The following SLC41A3 variants were observed in gnomAD, a reference collection of about 807,000 sequenced individuals.
The protein encoded by SLC41A3 is solute carrier family 41 member 3.
Under a neutral mutation model 45.4 loss-of-function variants are expected in SLC41A3, and 44 were observed. The ratio of observed to expected loss-of-function variants is 0.97; its 90% CI spans 0.76 to 1.25. The LOEUF (loss-of-function observed/expected upper bound fraction) is 1.25. Among genes scored for constraint, SLC41A3 ranks in the 50% most tolerant of loss-of-function variants. The pLI is 0.00. For missense variants in SLC41A3, 550 were observed against 600.6 expected (o/e 0.92, Z 0.88); for synonymous variants, 256 against 252.4 (o/e 1.01, Z -0.13).
chr3:126,070,834 ATTTT>A (rs34899504), intron 1 of SLC41A3, among the ~76,000 whole-genome samples: 3 of 148,608 alleles, frequency 2.0e-5, no homozygotes, highest in African/African-American at 7.4e-5. Flanking sequence ...ACCTAGACAG[ATTTT>A]TTTTTTTAAG....
chr3:126,072,764 A>T (rs1264842341), intron 1 of SLC41A3, among the ~76,000 whole-genome samples: 2 of 152,252 alleles, frequency 1.3e-5, no homozygotes, highest in Admixed American at 6.5e-5. Flanking sequence ...CAATCCCATT[A>T]TTGGGTGTAT....
In SLC41A3 at chr3:126,026,370, C is replaced by A; in HGVS notation, c.563G>T (p.Ser188Ile). ...VAKVELLCAS[S>I]VLTAFLAAFA... is the part of the protein sequence containing the mutation. ...GGCTGCAAGGAAGGCAGTGAGGACA[C>A]TGCTGGCACACAGCAACTCCACCTT... The change falls in exon 5 of 11, where the codon AGT becomes ATT. Residue 188 changes from serine to isoleucine, a missense_variant. Coordinates refer to ENST00000360370, the MANE Select transcript of SLC41A3 (RefSeq NM_017836.4). This position sits in a 1 kb window ranked among gnomAD's most constrained non-coding sequence, Gnocchi z 4.2. 2.5e-6 allele frequency: 4 copies of A among 1,574,728 alleles called. No homozygotes were observed. The highest frequency in any genetic ancestry group is 3.5e-6 in the Non-Finnish European group (4 of 1,158,986).
rs1340634896 is a variant in SLC41A3, at chr3:126,006,533, C to A, written c.*483G>T. 2 of 1,612,210 alleles carry A rather than the reference C, an allele frequency of 1.2e-6. No individual in the cohort carries two copies. Among genetic ancestry groups the A allele is most frequent in the Non-Finnish European group, 8.5e-7 (1 of 1,179,662 alleles). On this transcript the variant is annotated 3_prime_UTR_variant, in exon 11 of 11. Transcript: ENST00000360370. ...CTGGGGAGGCTGTACACCTTCTTGG[C>A]ACAGCAGCAGTGTGGCCCACGGAGC...
intron 3 of SLC41A3, among the ~76,000 whole-genome samples, chr3:126,035,928 C>T (rs1463757017): frequency 2.6e-5 from 4 of 152,106 alleles, no homozygotes; most frequent in African/African-American, 9.7e-5. Flanking sequence ...GAAATAGCTG[C>T]AGGCATGGGG....
chr3:126,048,022 T>C (rs1245961280), intron 3 of SLC41A3, among the ~76,000 whole-genome samples: 1 of 152,064 alleles, frequency 6.6e-6, no homozygotes, highest in African/African-American at 2.4e-5. Flanking sequence ...GAACTACGAC[T>C]CAACAACAGA....
At chr3:126,031,403 G>A (rs1941786195) in intron 4 of SLC41A3, among the ~76,000 whole-genome samples, 1 of 152,144 alleles carries the variant, frequency 6.6e-6, no homozygotes, top group Admixed American at 6.5e-5. Flanking sequence ...GTAAGTCAAA[G>A]GCTAGGAAGA....
intron 2 of SLC41A3, among the ~76,000 whole-genome samples, chr3:126,061,635 C>A (rs899323228): frequency 1.3e-5 from 2 of 152,192 alleles, no homozygotes; most frequent in Non-Finnish European, 2.9e-5. Flanking sequence ...GGCTGGGTGT[C>A]AAGGGTCCAC....
rs150520192 is a variant in SLC41A3, at chr3:126,059,314, G to GAAAGAAAGAAAGAAAGA, written c.274-8265_274-8264insTCTTTCTTTCTTTCTTT. 1.8e-3 allele frequency among the ~76,000 whole-genome samples: 183 copies of GAAAGAAAGAAAGAAAGA among 102,726 alleles called. 7 individuals carry two copies. Among genetic ancestry groups the GAAAGAAAGAAAGAAAGA allele is most frequent in the African/African-American group, 5.6e-3 (145 of 25,870 alleles). 67.4% of individuals were successfully genotyped at this position (102,726 alleles called of 152,430 possible). On this transcript the variant is annotated intron_variant, in intron 2 of 10. Coordinates refer to ENST00000360370, the MANE Select transcript of SLC41A3 (RefSeq NM_017836.4). Reference sequence around the variant, plus strand: ...AGAAAGAAAGAAAGAAAGAAAGGAAGGATGATCTGTGATAAGTGCTCTGAA... The same window carrying GAAAGAAAGAAAGAAAGA: ...AGAAAGAAAGAAAGAAAGAAAGGAAGAAAGAAAGAAAGAAAGAGATGATCTGTGATAAGTGCTCTGAA...
chr3:126,040,754 T>C (rs1301310545), intron 3 of SLC41A3, among the ~76,000 whole-genome samples: 1 of 152,136 alleles, frequency 6.6e-6, no homozygotes, highest in Non-Finnish European at 1.5e-5. Context: ...ACATTCTGAG[T>C]GCCCTCCCTC....
At position 126,065,244 on chromosome 3, in the gene SLC41A3, C is replaced by G. The variant is rs377015419; in HGVS notation, c.273+2703G>C. ...TGAGACCCTGAGCAGAGATCCCAGCCATACCATGCCTGCCCTCTGCCTTAC... is the reference window on the plus strand; with the variant it reads ...TGAGACCCTGAGCAGAGATCCCAGCGATACCATGCCTGCCCTCTGCCTTAC... On this transcript the variant is annotated intron_variant, in intron 2 of 10. Coordinates refer to ENST00000360370, the MANE Select transcript of SLC41A3 (RefSeq NM_017836.4). Among the ~76,000 whole-genome samples the G allele has an allele frequency of 5.3e-5, 8 of 152,364 alleles. No homozygotes were observed. The East Asian group carries it at 1.5e-3, about 29-fold the overall frequency.
chr3:126,007,168 G>A lies in SLC41A3; in HGVS notation c.1312C>T (p.Leu438=). Residue 438 remains leucine, a synonymous_variant, in exon 11 of 11, where the codon CTG becomes TTG. Coordinates refer to ENST00000360370, the MANE Select transcript of SLC41A3 (RefSeq NM_017836.4). ...GGGATGCAGTGGTTGTCAGGATCCA[G>A]GGCCTGGTGCCAAGTCAGCCGAACC... is the stretch of plus-strand genomic sequence containing the variant. ...VMVRLTWHQA[L]DPDNHCIPYL... 1.2e-6 allele frequency: 2 copies of A among 1,614,234 alleles called. No homozygotes were observed. The highest frequency in any genetic ancestry group is 1.7e-6 in the Non-Finnish European group (2 of 1,180,050).
chr3:126,030,640 T>C (rs897637340), intron 4 of SLC41A3, among the ~76,000 whole-genome samples: 1 of 151,876 alleles, frequency 6.6e-6, no homozygotes, highest in African/African-American at 2.4e-5. Flanking sequence ...GATGTGTGGG[T>C]GAATAGGTAG....
At chr3:126,015,715 C>A in intron 7 of SLC41A3, 142 bp from the exon 8 acceptor site, 1 of 760,428 alleles carries the variant, frequency 1.3e-6, no homozygotes, top group East Asian at 2.7e-5. Context: ...ATATCTGCTG[C>A]GGCCAAACTG....
chr3:126,065,619 T>C (rs1325140510), intron 2 of SLC41A3, among the ~76,000 whole-genome samples: 1 of 152,176 alleles, frequency 6.6e-6, no homozygotes, highest in Non-Finnish European at 1.5e-5. Context: ...TGCACGCACA[T>C]GGGCAGATGG....
intron 10 of SLC41A3, among the ~76,000 whole-genome samples, chr3:126,008,516 C>T (rs1262054601): frequency 6.6e-6 from 1 of 150,926 alleles, no homozygotes; most frequent in East Asian, 2.0e-4. Flanking sequence ...GTGGGATGCG[C>T]TGTGTGGTGT....
At chr3:126,060,243 A>AC (rs1943984737) in intron 2 of SLC41A3, among the ~76,000 whole-genome samples, 1 of 151,588 alleles carries the variant, frequency 6.6e-6, no homozygotes, top group Non-Finnish European at 1.5e-5. Flanking sequence ...GTATGGAGAA[A>AC]CCCCGTCTCT....
chr3:126,014,307 A>C (rs1348518993), intron 8 of SLC41A3, among the ~76,000 whole-genome samples: 1 of 152,210 alleles, frequency 6.6e-6, no homozygotes, highest in Non-Finnish European at 1.5e-5. Flanking sequence ...TACTGTTTAC[A>C]AATTAGGCCC....
rs757521163 is a variant in SLC41A3, at chr3:126,007,127, C to T, written c.1353G>A (p.Leu451=). ...DNHCIPYLTG[L]GDLLGTGLLA... ...GGAGGCCAGTACCGAGCAGGTCCCC[C>T]AGCCCTGTAAGGTAGGGGATGCAGT... The change falls in exon 11 of 11, where the codon CTG becomes CTA. Residue 451 remains leucine (L), a synonymous_variant. Transcript: ENST00000360370. 6.2e-7 allele frequency: 1 copy of T among 1,614,192 alleles called. No homozygotes were observed. Among genetic ancestry groups the T allele is most frequent in the Non-Finnish European group, 8.5e-7 (1 of 1,180,032 alleles).
In SLC41A3 at chr3:126,026,557, C is replaced by A; in HGVS notation, c.454-78G>T. 2 of 1,523,164 alleles carry A rather than the reference C, an allele frequency of 1.3e-6. No individual in the cohort carries two copies. Among genetic ancestry groups the A allele is most frequent in the South Asian group, 2.5e-5 (2 of 80,222 alleles). The allele number at this position is 1,523,164 out of a possible 1,614,324, so 94.4% of individuals were successfully genotyped here. A position where few individuals can be genotyped will look rare whatever the true frequency, so the allele number is the denominator to read the frequency against. On this transcript the variant is annotated intron_variant, in intron 4 of 10. Coordinates refer to ENST00000360370, the MANE Select transcript of SLC41A3 (RefSeq NM_017836.4). This position sits in a 1 kb window ranked among gnomAD's most constrained non-coding sequence, Gnocchi z 4.2. ...CTCCCTGCCCTTCACACCTCACTCA[C>A]CGCAAGGGGCCGGGTGCCACATGCT...
Sources: gnomAD v4.1 joint callset for allele counts (sites outside exome capture counted in the v4.1 genomes callset) on GRCh38, gnomAD v4.1.1 for gene constraint, Gnocchi (gnomAD v3.1) non-coding constraint, MANE v1.5 for transcripts, NCBI Gene and HGNC (gene_info 2026-07-23, HGNC 2026-07-21) for gene names.